SPAG16: variants seen among roughly 807,000 people sequenced by gnomAD.
SPAG16 encodes sperm associated antigen 16.
Under a neutral mutation model 80.4 loss-of-function variants are expected in SPAG16, and 86 were observed. The observed-to-expected ratio is 1.07, with a 90% CI of 0.90 to 1.28. The LOEUF is 1.28. SPAG16 is among the 50% of genes most tolerant of loss of function. SPAG16 has a pLI of 0.00. For missense variants in SPAG16, 870 were observed against 765.3 expected, an observed-to-expected ratio of 1.14 and a Z score of -1.61; for synonymous variants, 294 against 265.9, an observed-to-expected ratio of 1.11 and a Z score of -1.03.
chr2:213,947,304 A>G (rs114157603), intron 12 of SPAG16, among the ~76,000 whole-genome samples: 6,876 of 152,270 alleles, frequency 0.045, 181 homozygotes, highest in South Asian at 0.11. Flanking sequence ...ATTTTACACA[A>G]TGATTGGCAA....
chr2:214,059,608 G>GTTTGATGGTCCTCATTCA (rs1278427916), intron 13 of SPAG16, among the ~76,000 whole-genome samples: 1 of 151,790 alleles, frequency 6.6e-6, no homozygotes, highest in Admixed American at 6.6e-5. Context: ...GACTATATCC[G>GTTTGATGGTCCTCATTCA]TTTGATGGTC....
chr2:214,354,558 G>C (rs1158627320), intron 15 of SPAG16, among the ~76,000 whole-genome samples: 1 of 152,100 alleles, frequency 6.6e-6, no homozygotes, highest in East Asian at 1.9e-4. Context: ...AGCTTGATGG[G>C]GATGGCATTG....
chr2:213,580,017 C>T (rs1306755934), intron 10 of SPAG16, among the ~76,000 whole-genome samples: 1 of 152,020 alleles, frequency 6.6e-6, no homozygotes, highest in Non-Finnish European at 1.5e-5. Context: ...TTTGAGAAAA[C>T]AGTAGAAGTA....
rs1553694500 is a variant in SPAG16 at position 214,012,288 on chromosome 2, A to ATATT, written c.1401-1662_1401-1661insATTT. The stretch of plus-strand genomic sequence containing the variant: ...TATATATATATATATATATATATAT[A>ATATT]TTTTTTTTTTTTTTTTTTTTTCCTC... On this transcript the variant is annotated intron_variant, in intron 12 of 15. Coordinates refer to ENST00000331683, the MANE Select transcript of SPAG16 (RefSeq NM_024532.5). Among the ~76,000 whole-genome samples, 99 of 46,778 alleles carry ATATT rather than the reference A, an allele frequency of 2.1e-3. 1 individual carries two copies. The highest frequency in any genetic ancestry group is 5.9e-3 in the South Asian group (3 of 506). 30.7% of individuals were successfully genotyped at this position (46,778 alleles called of 152,430 possible).
At chr2:214,179,159 G>T (rs2057228056) in intron 15 of SPAG16, among the ~76,000 whole-genome samples, 1 of 151,290 alleles carries the variant, frequency 6.6e-6, no homozygotes. Context: ...TGTTGCAATA[G>T]TATTTGTTTT....
intron 13 of SPAG16, among the ~76,000 whole-genome samples, chr2:214,028,591 G>A (rs945698214): frequency 5.3e-5 from 8 of 151,830 alleles, no homozygotes; most frequent in Non-Finnish European, 7.4e-5. Context: ...CTCAACCCAA[G>A]ATTTTAATTT....
intron 10 of SPAG16, among the ~76,000 whole-genome samples, chr2:213,847,357 C>A (rs1424153191): frequency 1.3e-5 from 2 of 152,120 alleles, no homozygotes; most frequent in Non-Finnish European, 2.9e-5. Flanking sequence ...TGGGAAGCAT[C>A]GTGCTGGCAT....
chr2:213,963,013 T>C (rs985958774), intron 12 of SPAG16, among the ~76,000 whole-genome samples: 12 of 152,046 alleles, frequency 7.9e-5, no homozygotes, highest in Non-Finnish European at 1.0e-4. Flanking sequence ...ATTTTTTCTA[T>C]TGTTTTTATA....
At chr2:213,735,313 C>T (rs984062466) in intron 10 of SPAG16, among the ~76,000 whole-genome samples, 6 of 152,144 alleles carry the variant, frequency 3.9e-5, no homozygotes. Context: ...CCTCAATTTT[C>T]TCAATTCAAA....
intron 15 of SPAG16, among the ~76,000 whole-genome samples, chr2:214,192,047 C>CTCT (rs1206703593): frequency 6.6e-6 from 1 of 151,688 alleles, no homozygotes; most frequent in African/African-American, 2.4e-5. Flanking sequence ...AAATATTGCT[C>CTCT]TAAGAGAAGC....
intron 10 of SPAG16, among the ~76,000 whole-genome samples, chr2:213,555,913 TA>T (rs1293562499): frequency 6.6e-6 from 1 of 152,094 alleles, no homozygotes; most frequent in East Asian, 1.9e-4. Context: ...AGGGGTAAAA[TA>T]AAAATATGTA....
At chr2:213,734,478 A>T (rs561780025) in intron 10 of SPAG16, among the ~76,000 whole-genome samples, 1 of 152,382 alleles carries the variant, frequency 6.6e-6, no homozygotes, top group East Asian at 1.9e-4. Context: ...AACTTTTATT[A>T]TAAAATATGC....
At chr2:213,326,062 C>T (rs1308851154) in intron 5 of SPAG16, among the ~76,000 whole-genome samples, 6 of 151,854 alleles carry the variant, frequency 4.0e-5, no homozygotes, top group African/African-American at 1.2e-4. Flanking sequence ...TGAGTATTGT[C>T]TTCCTTTGCC....
chr2:213,717,651 A>G (rs1029364694), intron 10 of SPAG16, among the ~76,000 whole-genome samples: 3 of 152,120 alleles, frequency 2.0e-5, no homozygotes, highest in African/African-American at 7.2e-5. Flanking sequence ...AGTATTCTAA[A>G]TACATTACTT....
chr2:213,427,950 G>A (rs543915351), intron 9 of SPAG16, among the ~76,000 whole-genome samples: 1 of 152,162 alleles, frequency 6.6e-6, no homozygotes, highest in South Asian at 2.1e-4. Flanking sequence ...TGATATTGAG[G>A]GAAATAGTAC....
At chr2:214,001,680 T>C (rs1341256368) in intron 12 of SPAG16, among the ~76,000 whole-genome samples, 1 of 152,194 alleles carries the variant, frequency 6.6e-6, no homozygotes, top group East Asian at 1.9e-4. Context: ...GCACATGCAG[T>C]ACATACCTTG....
chr2:213,761,403 A>T (rs186879099), intron 10 of SPAG16, among the ~76,000 whole-genome samples: 2 of 152,322 alleles, frequency 1.3e-5, no homozygotes, highest in Admixed American at 1.3e-4. Context: ...AATAATAAAA[A>T]TTCGACCAGA....
intron 10 of SPAG16, among the ~76,000 whole-genome samples, chr2:213,769,193 C>CT (rs1040312226): frequency 2.6e-5 from 4 of 152,122 alleles, no homozygotes; most frequent in African/African-American, 9.7e-5. Context: ...AAAGTCAACT[C>CT]TAAGTTAAAT....
In SPAG16 at chr2:213,352,411, A is replaced by G. The variant is rs558969247; in HGVS notation, c.762+1766A>G. Among the ~76,000 whole-genome samples the G allele has an allele frequency of 1.6e-3, 237 of 152,320 alleles. 2 individuals carry two copies. The highest frequency in any genetic ancestry group is 3.0e-3 in the Non-Finnish European group (202 of 68,032). On this transcript the variant is annotated intron_variant, in intron 7 of 15. Transcript: ENST00000331683. ...TCCTGAGGTATTAGGAGCTAGATTC[A>G]GATCTCTTCCTATTTCCTATTCCAG... is the stretch of plus-strand genomic sequence containing the variant.
Sources: allele counts gnomAD v4.1 joint callset (sites outside exome capture counted in the v4.1 genomes callset), GRCh38; gene constraint gnomAD v4.1.1; transcripts MANE v1.5; gene names NCBI Gene and HGNC (gene_info 2026-07-23, HGNC 2026-07-21).